Variants in CFAP157 observed in about 807,000 individuals in gnomAD.
CFAP157 encodes cilia- and flagella-associated protein 157.
A neutral mutation model predicts 57.8 loss-of-function variants in CFAP157; 43 were observed. The ratio of observed to expected loss-of-function variants is 0.74; its 90% confidence interval spans 0.58 to 0.96. The LOEUF is 0.96. Among genes scored for constraint, CFAP157 ranks in the 40% least tolerant of loss-of-function variants. The probability of loss-of-function intolerance (pLI) is 0.00; values close to 1 mark genes in which losing one functional copy is unlikely to be tolerated. For synonymous variants in CFAP157, 267 were observed against 269.0 expected, an observed-to-expected ratio of 0.99 and a Z score of 0.07; for missense variants, 606 against 655.3, an observed-to-expected ratio of 0.92 and a Z score of 0.82.
At position 127,713,029 on chromosome 9, in the gene CFAP157, C is replaced by T. The variant is rs780510350; in HGVS notation, c.1314C>T (p.Ser438=). The change falls in exon 8 of 9, where the codon AGC becomes AGT. Residue 438 remains serine (S), a synonymous_variant. Coordinates refer to ENST00000373295, the MANE Select transcript of CFAP157 (RefSeq NM_001012502.3). ...SHGPPKESRP[S]IQLPRTGSLL... Reference sequence around the variant, plus strand: ...GGCCCCCTCCCCACAGCCGGCCCAGCATCCAGCTGCCCAGGACTGGGTCTC... The same window carrying T: ...GGCCCCCTCCCCACAGCCGGCCCAGTATCCAGCTGCCCAGGACTGGGTCTC... The T allele has an allele frequency of 3.7e-6, 6 of 1,613,354 alleles. No individual in the cohort carries two copies. Among genetic ancestry groups the T allele is most frequent in the Middle Eastern group, 1.6e-4 (1 of 6,062 alleles).
In CFAP157 at chr9:127,714,603, C is replaced by T. The variant is rs1291246460; in HGVS notation, c.*698C>T. 1.4e-5 allele frequency: 23 copies of T among 1,613,686 alleles called. No homozygotes were observed. In the East Asian group the frequency reaches 5.1e-4, roughly 36 times the overall value. ...AACCCTGACCATCTCAGGACCTCACCTGGCACTGCCCCCCAGCTTCAGAGC... is the reference window on the plus strand; with the variant it reads ...AACCCTGACCATCTCAGGACCTCACTTGGCACTGCCCCCCAGCTTCAGAGC... On this transcript the variant is annotated 3_prime_UTR_variant, in exon 9 of 9. Transcript: ENST00000373295.
At position 127,715,669 on chromosome 9, in the gene CFAP157, CT is replaced by C; in HGVS notation, c.*1765del. 1.9e-6 allele frequency: 3 copies of C among 1,603,438 alleles called. No individual in the cohort carries two copies. The highest frequency in any genetic ancestry group is 2.5e-6 in the Non-Finnish European group (3 of 1,177,226). On this transcript the variant is annotated 3_prime_UTR_variant, in exon 9 of 9. Coordinates refer to ENST00000373295, the MANE Select transcript of CFAP157 (RefSeq NM_001012502.3). This position sits in a 1 kb window ranked among gnomAD's most constrained non-coding sequence, Gnocchi z 5.8. Reference sequence around the variant, plus strand: ...CCCCCATTCACTCCGACACCGCCCCCTGACGTCATCACCCCGCAGCAGCCAA... The same window carrying C: ...CCCCCATTCACTCCGACACCGCCCCCGACGTCATCACCCCGCAGCAGCCAA...
Position 127,710,651 on chromosome 9 carries a change from A to G in CFAP157, c.484A>G (p.Thr162Ala). Residue 162 changes from threonine to alanine, a missense_variant, in exon 3 of 9, where the codon ACG (threonine) becomes GCG (alanine). Coordinates refer to ENST00000373295, the MANE Select transcript of CFAP157 (RefSeq NM_001012502.3). ...EEFRLQKEEV[T>A]DKFTLLEEQV... ...GTTCCGGCTGCAGAAAGAGGAGGTCACGGACAAGTTCACATTGCTGGAGGA... is the reference window on the plus strand; with the variant it reads ...GTTCCGGCTGCAGAAAGAGGAGGTCGCGGACAAGTTCACATTGCTGGAGGA... 2 of 1,587,396 alleles carry G rather than the reference A, an allele frequency of 1.3e-6. No homozygotes were observed. Among genetic ancestry groups the G allele is most frequent in the South Asian group, 2.3e-5 (2 of 86,996 alleles).
chr9:127,713,553 C>T (rs944638811), intron 8 of CFAP157: 12 of 235,184 alleles, frequency 5.1e-5, no homozygotes, highest in Non-Finnish European at 7.6e-5. Flanking sequence ...GTCACCCAGA[C>T]TGGAGTGCAG....
At chr9:127,711,672 A>G in intron 4 of CFAP157, 148 bp from the exon 5 acceptor site, 1 of 1,158,552 alleles carries the variant, frequency 8.6e-7, no homozygotes, top group South Asian at 1.6e-5. Flanking sequence ...GATTGTATTT[A>G]TTTAAAGCCC....
intron 6 of CFAP157, 42 bp from the exon 7 acceptor site, chr9:127,712,667 G>A (rs1199231117): frequency 1.2e-6 from 2 of 1,613,912 alleles, no homozygotes; most frequent in Non-Finnish European, 1.7e-6. Context: ...GGTGGGTACT[G>A]GGGCCACTGT....
In CFAP157 at chr9:127,712,290, C is replaced by G. The variant is rs1475456570; in HGVS notation, c.1078C>G (p.Arg360Gly). 2 of 1,613,904 alleles carry G rather than the reference C, an allele frequency of 1.2e-6. No individual in the cohort carries two copies. The highest frequency in any genetic ancestry group is 1.7e-5 in the Admixed American group (1 of 60,000). ...QQELANEQKV[R>G]ASLEAALVQA... ...GGAACTGGCTAATGAGCAGAAGGTT[C>G]GGGCCAGCCTGGAGGCGGCTCTGGT... The change falls in exon 6 of 9, where the codon CGG (arginine) becomes GGG (glycine). Residue 360 changes from arginine to glycine, a missense_variant. By Grantham distance (125) the Arg-to-Gly change is moderately radical. Transcript: ENST00000373295.
chr9:127,715,340 G>T lies in CFAP157; in HGVS notation c.*1435G>T. The T allele has an allele frequency of 8.1e-7, 1 of 1,237,286 alleles. No individual in the cohort carries two copies. The highest frequency in any genetic ancestry group is 1.3e-5 in the South Asian group (1 of 78,006). The allele number at this position is 1,237,286 out of a possible 1,614,324, so 76.6% of individuals were successfully genotyped here. ...GCGCGAAGAAGGGGCCCAGAAACCC[G>T]ACCCCTGAGAACTCCAGAAGGCTGG... On this transcript the variant is annotated 3_prime_UTR_variant, in exon 9 of 9. Transcript: ENST00000373295. The surrounding 1 kb of genome is among the most constrained non-coding windows in gnomAD (Gnocchi z 5.8).
Position 127,709,561 on chromosome 9 carries a change from C to T in CFAP157, c.301C>T (p.Leu101Phe), listed in dbSNP as rs1354664611. Residue 101 changes from leucine (L) to phenylalanine (F), a missense_variant, in exon 2 of 9, where the codon CTC (leucine) becomes TTC (phenylalanine). By Grantham distance (22) the Leu-to-Phe change is conservative. Transcript: ENST00000373295. The surrounding 1 kb of genome is among the most constrained non-coding windows in gnomAD (Gnocchi z 4.7). Reference protein sequence around the residue: ...LNQQVDEITDLNEQLQNLQLA... With the variant: ...LNQQVDEITDFNEQLQNLQLA... ...CCAGCAGGTGGATGAGATCACAGAC[C>T]TCAACGAGCAGCTCCAGAACTTGCA... 2 of 1,614,094 alleles carry T rather than the reference C, an allele frequency of 1.2e-6. No homozygotes were observed. The highest frequency in any genetic ancestry group is 1.1e-5 in the South Asian group (1 of 91,088).
chr9:127,709,609 G>A lies in CFAP157; in HGVS notation c.349G>A (p.Asp117Asn), dbSNP rs1467916327. The change falls in exon 2 of 9, where the codon GAT becomes AAT. Residue 117 changes from aspartate to asparagine, a missense_variant. Transcript: ENST00000373295. The surrounding 1 kb of genome is among the most constrained non-coding windows in gnomAD (Gnocchi z 4.7). ...GCAGCTAGCCAAAGAGATGGAGAAGGATGCCTTCGAGGCGCAGCTGGCCCA... is the reference window on the plus strand; with the variant it reads ...GCAGCTAGCCAAAGAGATGGAGAAGAATGCCTTCGAGGCGCAGCTGGCCCA... ...NLQLAKEMEK[D>N]AFEAQLAQVR... 7 of 1,613,976 alleles carry A rather than the reference G, an allele frequency of 4.3e-6. No individual in the cohort carries two copies. The highest frequency in any genetic ancestry group is 1.3e-5 in the African/African-American group (1 of 75,036).
Position 127,714,545 on chromosome 9 carries a change from C to T in CFAP157, c.*640C>T, listed in dbSNP as rs1842869900. ...TGGAGACTGGGTCAGCAGCCCTACT[C>T]CACCCCAACTGGGAGGCCTGAAGCC... On this transcript the variant is annotated 3_prime_UTR_variant, in exon 9 of 9. Transcript: ENST00000373295. 6.3e-7 allele frequency: 1 copy of T among 1,594,888 alleles called. No homozygotes were observed.
At chr9:127,710,432 A>G (rs373922002) in intron 2 of CFAP157, among the ~76,000 whole-genome samples, 169 bp from the exon 3 acceptor site, 160 of 152,214 alleles carry the variant, frequency 1.1e-3, no homozygotes, top group African/African-American at 3.2e-3. Flanking sequence ...TGAAGGCAGT[A>G]AAGGTGACAG....
chr9:127,712,044 T>C, intron 5 of CFAP157, 94 bp downstream of exon 5: 2 of 1,514,096 alleles, frequency 1.3e-6, no homozygotes, highest in Non-Finnish European at 1.8e-6. Flanking sequence ...GGCCAGTGAC[T>C]TCCCCTCTCT....
chr9:127,712,553 A>G (rs1588394925), intron 6 of CFAP157, 156 bp from the exon 7 acceptor site: 1 of 1,529,778 alleles, frequency 6.5e-7, no homozygotes. Flanking sequence ...TGAGGCTCTG[A>G]AAGGTCTTGG....
At chr9:127,712,038 A>C (rs1393951098) in intron 5 of CFAP157, 88 bp downstream of exon 5, 1 of 1,521,674 alleles carries the variant, frequency 6.6e-7, no homozygotes, top group Non-Finnish European at 8.8e-7. Context: ...GACCCAGGCC[A>C]GTGACTTCCC....
At chr9:127,712,962 C>T (rs1842802062) in intron 7 of CFAP157, 58 bp from the exon 8 acceptor site, 2 of 1,597,558 alleles carry the variant, frequency 1.3e-6, no homozygotes, top group Non-Finnish European at 8.5e-7. Flanking sequence ...CTCGGCTCAC[C>T]CTGGGCCAGA....
In CFAP157 at chr9:127,710,631, G is replaced by A. The variant is rs773275895; in HGVS notation, c.464G>A (p.Arg155Gln). The A allele has an allele frequency of 2.1e-5, 33 of 1,586,172 alleles. No individual in the cohort carries two copies. The highest frequency in any genetic ancestry group is 7.2e-5 in the Admixed American group (4 of 55,642). Residue 155 changes from arginine (R) to glutamine (Q), a missense_variant, in exon 3 of 9, where the codon CGG (arginine) becomes CAG (glutamine). By Grantham distance (43) the Arg-to-Gln change is conservative. Coordinates refer to ENST00000373295, the MANE Select transcript of CFAP157 (RefSeq NM_001012502.3). Reference protein sequence around the residue: ...GGKLAALEEFRLQKEEVTDKF... With the variant: ...GGKLAALEEFQLQKEEVTDKF... ...AAGCTGGCAGCCCTGGAGGAGTTCC[G>A]GCTGCAGAAAGAGGAGGTCACGGAC...
intron 8 of CFAP157, 98 bp downstream of exon 8, chr9:127,713,304 T>C: frequency 1.1e-6 from 1 of 922,464 alleles, no homozygotes; most frequent in Middle Eastern, 3.3e-4. Flanking sequence ...CCTGGGGATG[T>C]AACCAGATCT....
chr9:127,711,026 G>A (rs1325976309), intron 3 of CFAP157, among the ~76,000 whole-genome samples: 1 of 152,196 alleles, frequency 6.6e-6, no homozygotes, highest in East Asian at 1.9e-4. Flanking sequence ...TTACTTAACA[G>A]GTGGGAGTAC....
Sources: allele counts gnomAD v4.1 joint callset (sites outside exome capture counted in the v4.1 genomes callset), GRCh38; gene constraint gnomAD v4.1.1; non-coding constraint Gnocchi (gnomAD v3.1); transcripts MANE v1.5; gene names NCBI Gene and HGNC (gene_info 2026-07-23, HGNC 2026-07-21).